The following KCNMA1 variants were observed in gnomAD, a reference collection of about 807,000 sequenced individuals.
The protein encoded by KCNMA1 is potassium calcium-activated channel subfamily M alpha 1, also known as Calcium-activated potassium channel subunit alpha-1.
Under a neutral mutation model 140.0 loss-of-function variants are expected in KCNMA1, and 29 were observed. That is an observed-to-expected ratio of 0.21 (90% CI 0.15 to 0.28). KCNMA1 has a LOEUF of 0.28. KCNMA1 is among the 10% of genes least tolerant of loss of function. KCNMA1 has a pLI of 1.00. For synonymous variants in KCNMA1, 612 were observed against 611.9 expected (o/e 1.00, Z 0.00); for missense variants, 880 against 1,602.2 (o/e 0.55, Z 7.70).
At chr10:77,145,433 C>A (rs1019386124) in intron 5 of KCNMA1, among the ~76,000 whole-genome samples, 16 of 152,268 alleles carry the variant, frequency 1.1e-4, no homozygotes, top group South Asian at 4.1e-4. Context: ...CCAAAAAAAA[C>A]TGTCATAAAC....
intron 25 of KCNMA1, among the ~76,000 whole-genome samples, chr10:76,907,550 A>T (rs1443725424): frequency 2.0e-5 from 3 of 151,790 alleles, no homozygotes; most frequent in Non-Finnish European, 4.4e-5. Flanking sequence ...ATTTTATTTT[A>T]TTTTTTGAGA....
At chr10:77,121,279 G>T (rs2097586088) in intron 5 of KCNMA1, among the ~76,000 whole-genome samples, 1 of 152,184 alleles carries the variant, frequency 6.6e-6, no homozygotes, top group African/African-American at 2.4e-5. Context: ...AACCTCTTTA[G>T]AGGAAGGGCT....
At chr10:76,974,436 G>T in intron 19 of KCNMA1, 1 of 1,056,332 alleles carries the variant, frequency 9.5e-7, no homozygotes, top group Non-Finnish European at 1.4e-6. Flanking sequence ...AGAATGTTGA[G>T]GGCTGCAGGG....
rs116547786 is a variant in KCNMA1 at position 77,118,570 on chromosome 10, G to C, written c.884+2403C>G. Among the ~76,000 whole-genome samples, 1,037 of 152,270 alleles carry C rather than the reference G, an allele frequency of 6.8e-3. 8 individuals are homozygous for C. Among genetic ancestry groups the C allele is most frequent in the African/African-American group, 0.022 (898 of 41,542 alleles). On this transcript the variant is annotated intron_variant, in intron 6 of 27. Coordinates refer to ENST00000286628, the MANE Select transcript of KCNMA1 (RefSeq NM_001161352.2). ...CCCCAAGTGTTATGCTCTCACACCA[G>C]TGTGCTGTTAGCATCTTCCTTGATT...
Position 77,585,019 on chromosome 10 carries a change from C to G in KCNMA1, c.378+52246G>C, listed in dbSNP as rs147942314. Reference sequence around the variant, plus strand: ...TTCTTCTCTGACCCCAGAACAACCTCCCTACCCTTCTCCAAGCTGTCCCTC... The same window carrying G: ...TTCTTCTCTGACCCCAGAACAACCTGCCTACCCTTCTCCAAGCTGTCCCTC... On this transcript the variant is annotated intron_variant, in intron 1 of 27. Coordinates refer to ENST00000286628, the MANE Select transcript of KCNMA1 (RefSeq NM_001161352.2). Among the ~76,000 whole-genome samples the G allele has an allele frequency of 4.5e-3, 691 of 152,348 alleles. 7 individuals are homozygous for G. Among genetic ancestry groups the G allele is most frequent in the South Asian group, 0.025 (121 of 4,828 alleles).
At chr10:77,444,731 G>A (rs1370356058) in intron 1 of KCNMA1, among the ~76,000 whole-genome samples, 1 of 152,096 alleles carries the variant, frequency 6.6e-6, no homozygotes, top group Non-Finnish European at 1.5e-5. Context: ...AAGACTTGAG[G>A]ACCACCAGCC....
intron 19 of KCNMA1, chr10:76,973,981 G>C (rs1381530101): frequency 6.6e-6 from 1 of 152,560 alleles, no homozygotes; most frequent in African/African-American, 2.4e-5. Flanking sequence ...GAGATTTAAG[G>C]GGATGATGCC....
chr10:77,636,618 T>C lies in KCNMA1; in HGVS notation c.378+647A>G, dbSNP rs779472668. 1.3e-4 allele frequency: 193 copies of C among 1,536,062 alleles called. 2 individuals are homozygous for C. In the South Asian group the frequency reaches 2.1e-3, roughly 16 times the overall value. On this transcript the variant is annotated intron_variant, in intron 1 of 27. Transcript: ENST00000286628. Reference sequence around the variant, plus strand: ...CATCAGATATGCGACCTCGACACATTCCAAAAGTGGCAGCCCCGTGGGCTA... The same window carrying C: ...CATCAGATATGCGACCTCGACACATCCCAAAAGTGGCAGCCCCGTGGGCTA...
In KCNMA1 at chr10:76,887,324, C is replaced by G; in HGVS notation, c.3653G>C (p.Arg1218Pro). ...GTCCCGGGACTCCCTGGACTTGGGC[C>G]GGTTCTGTCGGTTTGCTGTGGATGG... Reference protein sequence around the residue: ...SIPSTANRQNRPKSRESRDKQ... With the variant: ...SIPSTANRQNPPKSRESRDKQ... The change falls in exon 28 of 28, where the codon CGG becomes CCG. Residue 1218 changes from arginine to proline, a missense_variant. Physicochemically the swap from Arg to Pro is moderately radical, Grantham distance 103. This residue lies in a region of KCNMA1 where 115 missense variants were observed against 139.9 expected (regional missense o/e 0.82). Transcript: ENST00000286628. 1 of 1,614,074 alleles carries G rather than the reference C, an allele frequency of 6.2e-7. No individual in the cohort carries two copies. The highest frequency in any genetic ancestry group is 1.1e-5 in the South Asian group (1 of 91,064).
intron 3 of KCNMA1, among the ~76,000 whole-genome samples, chr10:77,221,205 C>T (rs549842529): frequency 2.0e-5 from 3 of 152,272 alleles, no homozygotes; most frequent in Admixed American, 2.0e-4. Flanking sequence ...CCTCCTCTCT[C>T]CTCACCCAGT....
chr10:76,985,036 G>A (rs569501467), intron 19 of KCNMA1, among the ~76,000 whole-genome samples: 47 of 152,274 alleles, frequency 3.1e-4, no homozygotes, highest in South Asian at 1.5e-3. Context: ...GCCCTTCTGC[G>A]GCTTGCAGGC....
intron 1 of KCNMA1, among the ~76,000 whole-genome samples, chr10:77,451,210 T>C (rs1439874298): frequency 5.3e-5 from 8 of 152,028 alleles, no homozygotes; most frequent in African/African-American, 1.5e-4. Flanking sequence ...CCTGGACCCC[T>C]GAGATACAAG....
chr10:77,403,677 C>T (rs1050304939), intron 2 of KCNMA1, among the ~76,000 whole-genome samples, 185 bp downstream of exon 2: 3 of 152,196 alleles, frequency 2.0e-5, no homozygotes, highest in Non-Finnish European at 4.4e-5. Flanking sequence ...AATCCCTCCA[C>T]AAACCACTGT....
At chr10:77,121,225 C>T (rs550250920) in intron 5 of KCNMA1, among the ~76,000 whole-genome samples, 177 bp from the exon 6 acceptor site, 2 of 152,250 alleles carry the variant, frequency 1.3e-5, no homozygotes, top group East Asian at 1.9e-4. Context: ...GGTTTAATCT[C>T]GACTGGGAAA....
intron 2 of KCNMA1, among the ~76,000 whole-genome samples, chr10:77,398,637 A>C (rs551640340): frequency 4.6e-5 from 7 of 152,226 alleles, no homozygotes; most frequent in Non-Finnish European, 8.8e-5. Flanking sequence ...ATTTTCTCCC[A>C]TTCTATAAAG....
chr10:77,090,671 G>T, intron 9 of KCNMA1, 161 bp from the exon 10 acceptor site: 1 of 652,836 alleles, frequency 1.5e-6, no homozygotes. Flanking sequence ...GGGCAGTGAG[G>T]CAAAGCAGCG....
At position 76,927,026 on chromosome 10, in the gene KCNMA1, C is replaced by T. The variant is rs112409104; in HGVS notation, c.2903-11977G>A. Among the ~76,000 whole-genome samples, 476 of 152,116 alleles carry T rather than the reference C, an allele frequency of 3.1e-3. 2 individuals carry two copies. Among genetic ancestry groups the T allele is most frequent in the Non-Finnish European group, 4.5e-3 (306 of 68,004 alleles). On this transcript the variant is annotated intron_variant, in intron 23 of 27. Coordinates refer to ENST00000286628, the MANE Select transcript of KCNMA1 (RefSeq NM_001161352.2). ...TCACAGTCGTGGCAATGGCTGTGGC[C>T]CTTGGTGTCTTCATCTGTAAAATAG... is the stretch of plus-strand genomic sequence containing the variant.
rs2036187188 is a variant in KCNMA1, at chr10:76,884,935, T to C, written c.*2331A>G. 3 of 1,517,814 alleles carry C rather than the reference T, an allele frequency of 2.0e-6. No homozygotes were observed. The highest frequency in any genetic ancestry group is 2.6e-5 in the South Asian group (2 of 76,378). 94.0% of individuals were successfully genotyped at this position (1,517,814 alleles called of 1,614,324 possible). ...AAAAGTTTTCACAAGGACAACGTTA[T>C]AGAAGAAAACCCCCAGCAGTGGCTA... is the stretch of plus-strand genomic sequence containing the variant. On this transcript the variant is annotated 3_prime_UTR_variant, in exon 28 of 28. Coordinates refer to ENST00000286628, the MANE Select transcript of KCNMA1 (RefSeq NM_001161352.2).
intron 2 of KCNMA1, among the ~76,000 whole-genome samples, chr10:77,273,196 C>T (rs2065666318): frequency 6.6e-6 from 1 of 152,038 alleles, no homozygotes; most frequent in African/African-American, 2.4e-5. Context: ...CATCTTTTTT[C>T]TCTCTCTCAT....
Sources: gnomAD v4.1 joint callset for allele counts (sites outside exome capture counted in the v4.1 genomes callset) on GRCh38, gnomAD v4.1.1 for gene constraint, gnomAD v4.1.1 regional missense constraint, MANE v1.5 for transcripts, NCBI Gene and HGNC (gene_info 2026-07-23, HGNC 2026-07-21) for gene names.